The following SMTNL2 variants were observed in gnomAD, a reference collection of about 807,000 sequenced individuals.
SMTNL2 encodes smoothelin-like protein 2.
In SMTNL2, 43 loss-of-function variants were observed where a neutral mutation model predicts 44.1. That is an observed-to-expected ratio of 0.98 (90% CI 0.76 to 1.26). SMTNL2 has a LOEUF of 1.26. Ranked by LOEUF, SMTNL2 falls within the 50% of genes most tolerant of loss-of-function variation. The pLI, the probability that SMTNL2 is intolerant of heterozygous loss-of-function variation, is 0.00. For synonymous variants in SMTNL2, 317 were observed against 287.6 expected (o/e 1.10, Z -1.03); for missense variants, 646 against 670.2 (o/e 0.96, Z 0.40).
At position 4,608,205 on chromosome 17, in the gene SMTNL2, G is replaced by A. The variant is rs764280062; in HGVS notation, c.*718G>A. On this transcript the variant is annotated 3_prime_UTR_variant, in exon 8 of 8. Transcript: ENST00000389313. The stretch of plus-strand genomic sequence containing the variant: ...GGGGAAGGAATAGGCCCTTTGTGCT[G>A]AGAGAGAGTTTTTATTCACATCTTT... 3 of 152,146 alleles carry A rather than the reference G, an allele frequency of 2.0e-5. No homozygotes were observed. The highest frequency in any genetic ancestry group is 4.4e-5 in the Non-Finnish European group (3 of 67,988). The allele number at this position is 152,146 out of a possible 1,614,324, so 9.4% of individuals were successfully genotyped here.
intron 3 of SMTNL2, among the ~76,000 whole-genome samples, 170 bp downstream of exon 3, chr17:4,593,341 A>G (rs556999982): frequency 6.6e-6 from 1 of 152,326 alleles, no homozygotes; most frequent in South Asian, 2.1e-4. Flanking sequence ...CTCCCGGGCT[A>G]CTGCCCAGAG....
In SMTNL2 at chr17:4,593,113, G is replaced by A. The variant is rs904781744; in HGVS notation, c.672G>A (p.Leu224=). 1 of 1,613,394 alleles carries A rather than the reference G, an allele frequency of 6.2e-7. No homozygotes were observed. The highest frequency in any genetic ancestry group is 1.7e-5 in the Admixed American group (1 of 60,000). ...AALSPMSAAT[L]GGLNPSPSEV... ...TATCACCCATGTCTGCTGCCACCCT[G>A]GGGGGCCTCAACCCAAGCCCCAGCG... The change falls in exon 3 of 8, where the codon CTG becomes CTA. Residue 224 remains leucine, a synonymous_variant. Coordinates refer to ENST00000389313, the MANE Select transcript of SMTNL2 (RefSeq NM_001114974.2).
chr17:4,591,365 A>G (rs1597410222), intron 1 of SMTNL2, among the ~76,000 whole-genome samples: 1 of 152,162 alleles, frequency 6.6e-6, no homozygotes, highest in Non-Finnish European at 1.5e-5. Flanking sequence ...CACCAGCCCC[A>G]CAGACACTCT....
At chr17:4,593,568 C>T (rs1310500602) in intron 3 of SMTNL2, among the ~76,000 whole-genome samples, 1 of 152,222 alleles carries the variant, frequency 6.6e-6, no homozygotes, top group East Asian at 1.9e-4. Context: ...ATACATGGCA[C>T]GGGCCCTGGG....
At chr17:4,588,289 A>G (rs1252900376) in intron 1 of SMTNL2, among the ~76,000 whole-genome samples, 1 of 152,144 alleles carries the variant, frequency 6.6e-6, no homozygotes, top group African/African-American at 2.4e-5. Context: ...AAAAATGTCT[A>G]AAAGCTTTTC....
rs766520023 is a variant in SMTNL2, at chr17:4,598,756, A to G, written c.1259+1433A>G. ...GGAGAATTGTTAGAACCCAAGAGAAAGAGGTTGCAGTGAGCTGAGATCGCA... is the reference window on the plus strand; with the variant it reads ...GGAGAATTGTTAGAACCCAAGAGAAGGAGGTTGCAGTGAGCTGAGATCGCA... On this transcript the variant is annotated intron_variant, in intron 7 of 7. Transcript: ENST00000389313. The surrounding 1 kb of genome is among the most constrained non-coding windows in gnomAD (Gnocchi z 4.8). 2.0e-5 allele frequency among the ~76,000 whole-genome samples: 3 copies of G among 152,044 alleles called. No homozygotes were observed. The highest frequency in any genetic ancestry group is 2.9e-5 in the Non-Finnish European group (2 of 67,988).
rs201831133 is a variant in SMTNL2 at position 4,597,174 on chromosome 17, C to T, written c.1110C>T (p.His370=). 9 of 1,613,154 alleles carry T rather than the reference C, an allele frequency of 5.6e-6. No homozygotes were observed. The highest frequency in any genetic ancestry group is 3.3e-5 in the Admixed American group (2 of 59,984). ...WCRSKTLGYQ[H]VDLQNFSSSW... ...TGACCCCACTCACCCTGTTGCAGCACGTGGACCTGCAGAACTTCTCCTCCA... is the reference window on the plus strand; with the variant it reads ...TGACCCCACTCACCCTGTTGCAGCATGTGGACCTGCAGAACTTCTCCTCCA... The change falls in exon 7 of 8, where the codon CAC becomes CAT. Residue 370 remains histidine, a splice_region_variant and synonymous_variant. Coordinates refer to ENST00000389313, the MANE Select transcript of SMTNL2 (RefSeq NM_001114974.2).
At chr17:4,585,758 G>T (rs1004930819) in intron 1 of SMTNL2, among the ~76,000 whole-genome samples, 1 of 152,236 alleles carries the variant, frequency 6.6e-6, no homozygotes, top group African/African-American at 2.4e-5. Flanking sequence ...TTTCCATCCT[G>T]ATCAGGCATG....
In SMTNL2 at chr17:4,600,606, G is replaced by C. The variant is rs915439773; in HGVS notation, c.1259+3283G>C. On this transcript the variant is annotated intron_variant, in intron 7 of 7. Coordinates refer to ENST00000389313, the MANE Select transcript of SMTNL2 (RefSeq NM_001114974.2). This position sits in a 1 kb window ranked among gnomAD's most constrained non-coding sequence, Gnocchi z 4.7. ...TAATTTATGGTCCCAGAGATTCCCGGTGGCCTAATCTGTGTGAATGATGCA... is the reference window on the plus strand; with the variant it reads ...TAATTTATGGTCCCAGAGATTCCCGCTGGCCTAATCTGTGTGAATGATGCA... Among the ~76,000 whole-genome samples, 5 of 152,190 alleles carry C rather than the reference G, an allele frequency of 3.3e-5. No homozygotes were observed. In the East Asian group the frequency reaches 5.8e-4, roughly 18 times the overall value.
intron 4 of SMTNL2, 64 bp downstream of exon 4, chr17:4,593,961 C>A: frequency 1.3e-6 from 2 of 1,578,078 alleles, no homozygotes; most frequent in Non-Finnish European, 1.7e-6. Flanking sequence ...GCTTTGGACG[C>A]AGGCCGCCCA....
chr17:4,604,872 T>C (rs191972052), intron 7 of SMTNL2, among the ~76,000 whole-genome samples: 131 of 152,088 alleles, frequency 8.6e-4, no homozygotes, highest in African/African-American at 3.0e-3. Flanking sequence ...GGTTTCACCA[T>C]GTTGGTCAGG....
At chr17:4,588,863 T>C (rs1357305666) in intron 1 of SMTNL2, among the ~76,000 whole-genome samples, 1 of 152,250 alleles carries the variant, frequency 6.6e-6, no homozygotes, top group Non-Finnish European at 1.5e-5. Context: ...TGCCACTACC[T>C]TTAGTCATGG....
At position 4,607,621 on chromosome 17, in the gene SMTNL2, G is replaced by A. The variant is rs558127229; in HGVS notation, c.*134G>A. On this transcript the variant is annotated 3_prime_UTR_variant, in exon 8 of 8. Coordinates refer to ENST00000389313, the MANE Select transcript of SMTNL2 (RefSeq NM_001114974.2). The surrounding 1 kb of genome is among the most constrained non-coding windows in gnomAD (Gnocchi z 4.7). ...CGCTGTTTGTTCTGTGGCATGTGACGGCACTCCCCTTCGAGCCCAGCTGTG... is the reference window on the plus strand; with the variant it reads ...CGCTGTTTGTTCTGTGGCATGTGACAGCACTCCCCTTCGAGCCCAGCTGTG... 43 of 1,386,744 alleles carry A rather than the reference G, an allele frequency of 3.1e-5. No homozygotes were observed. In the South Asian group the frequency reaches 3.5e-4, roughly 11 times the overall value. The allele number at this position is 1,386,744 out of a possible 1,614,324, so 85.9% of individuals were successfully genotyped here. A position where few individuals can be genotyped will look rare whatever the true frequency, so the allele number is the denominator to read the frequency against.
rs1233481600 is a variant in SMTNL2 at position 4,598,787 on chromosome 17, G to T, written c.1259+1464G>T. Among the ~76,000 whole-genome samples, 1 of 151,540 alleles carries T rather than the reference G, an allele frequency of 6.6e-6. No homozygotes were observed. Among genetic ancestry groups the T allele is most frequent in the Non-Finnish European group, 1.5e-5 (1 of 67,914 alleles). On this transcript the variant is annotated intron_variant, in intron 7 of 7. Transcript: ENST00000389313. The surrounding 1 kb of genome is among the most constrained non-coding windows in gnomAD (Gnocchi z 4.8). ...TGCAGTGAGCTGAGATCGCACCACT[G>T]TACTCCAGCCTGGGTGGCAGAGTGA...
chr17:4,604,759 C>T (rs539316768), intron 7 of SMTNL2, among the ~76,000 whole-genome samples: 1 of 152,256 alleles, frequency 6.6e-6, no homozygotes, highest in South Asian at 2.1e-4. Flanking sequence ...GCAACCTCCA[C>T]CTCCTGGGTT....
intron 5 of SMTNL2, 37 bp from the exon 6 acceptor site, chr17:4,596,823 G>GAGGGGCCCCCGCAGC: frequency 7.1e-7 from 1 of 1,415,310 alleles, no homozygotes; most frequent in Non-Finnish European, 9.2e-7. Context: ...ATGGCAGCTG[G>GAGGGGCCCCCGCAGC]AGGGGCCCCC....
rs145890865 is a variant in SMTNL2, at chr17:4,584,711, C to A, written c.106C>A (p.Arg36=). ...GGTGCGCGCGCTGCACGAGGACATG[C>A]GGGGGCTGCAGCGCGGCGTGGAGCG... ...GAVRALHEDM[R]GLQRGVERRV... The change falls in exon 1 of 8, where the codon CGG becomes AGG. Residue 36 remains arginine (R), a synonymous_variant. Coordinates refer to ENST00000389313, the MANE Select transcript of SMTNL2 (RefSeq NM_001114974.2). The A allele has an allele frequency of 0.024, 31,240 of 1,300,396 alleles. 464 individuals are homozygous for A. Among genetic ancestry groups the A allele is most frequent in the Non-Finnish European group, 0.027 (27,842 of 1,028,436 alleles). The allele number at this position is 1,300,396 out of a possible 1,614,324, so 80.6% of individuals were successfully genotyped here. A position where few individuals can be genotyped will look rare whatever the true frequency, so the allele number is the denominator to read the frequency against.
chr17:4,597,975 G>A lies in SMTNL2; in HGVS notation c.1259+652G>A, dbSNP rs150575003. 1.4e-3 allele frequency among the ~76,000 whole-genome samples: 216 copies of A among 152,252 alleles called. 1 individual carries two copies. The highest frequency in any genetic ancestry group is 4.6e-3 in the African/African-American group (189 of 41,532). ...GTCTGTCTGCCAGGGCTCCAGCGGCGGACGGGGGCACAGTCAAGAACTGGG... is the reference window on the plus strand; with the variant it reads ...GTCTGTCTGCCAGGGCTCCAGCGGCAGACGGGGGCACAGTCAAGAACTGGG... On this transcript the variant is annotated intron_variant, in intron 7 of 7. Coordinates refer to ENST00000389313, the MANE Select transcript of SMTNL2 (RefSeq NM_001114974.2).
chr17:4,595,229 C>A lies in SMTNL2; in HGVS notation c.891C>A (p.Arg297=). Residue 297 remains arginine (R), a synonymous_variant, in exon 5 of 8, where the codon CGC becomes CGA. Transcript: ENST00000389313. The surrounding 1 kb of genome is among the most constrained non-coding windows in gnomAD (Gnocchi z 5.1). ...ITQVHRQGER[R]RELVRSQTLP... is the part of the protein sequence containing the mutation. Reference sequence around the variant, plus strand: ...AGGTCCATCGGCAGGGGGAGCGTCGCAGGGAGCTGGTGAGGTCGCAGACGC... The same window carrying A: ...AGGTCCATCGGCAGGGGGAGCGTCGAAGGGAGCTGGTGAGGTCGCAGACGC... 1 of 1,613,246 alleles carries A rather than the reference C, an allele frequency of 6.2e-7. No homozygotes were observed. The highest frequency in any genetic ancestry group is 8.5e-7 in the Non-Finnish European group (1 of 1,179,984).
Sources: allele counts gnomAD v4.1 joint callset (sites outside exome capture counted in the v4.1 genomes callset), GRCh38; gene constraint gnomAD v4.1.1; non-coding constraint Gnocchi (gnomAD v3.1); transcripts MANE v1.5; gene names NCBI Gene and HGNC (gene_info 2026-07-23, HGNC 2026-07-21).